UPB1: variants seen among roughly 807,000 people sequenced by gnomAD.
UPB1 encodes the protein beta-ureidopropionase 1, also known as beta-ureidopropionase.
Under a neutral mutation model 49.1 loss-of-function variants are expected in UPB1, and 40 were observed. That is an observed-to-expected ratio of 0.81 (90% CI 0.63 to 1.06). The LOEUF (loss-of-function observed/expected upper bound fraction) is 1.06, where lower values mean the gene tolerates loss of function less well. Ranked by LOEUF, UPB1 falls within the 50% of genes least tolerant of loss-of-function variation. UPB1 has a pLI of 0.00. For missense variants in UPB1, 499 were observed against 505.9 expected (o/e 0.99, Z 0.13); for synonymous variants, 207 against 198.2 (o/e 1.04, Z -0.38).
At chr22:24,496,398 C>T (rs1055949047) in intron 1 of UPB1, among the ~76,000 whole-genome samples, 110 of 130,576 alleles carry the variant, frequency 8.4e-4, no homozygotes, top group Admixed American at 2.2e-3. Context: ...CACACACACA[C>T]ACACATACAC....
At chr22:24,525,554 A>G (rs1024705635) in intron 9 of UPB1, among the ~76,000 whole-genome samples, 157 bp from the exon 10 acceptor site, 1 of 152,230 alleles carries the variant, frequency 6.6e-6, no homozygotes, top group Non-Finnish European at 1.5e-5. Context: ...GAACTTTGCC[A>G]CAGTACTAGA....
At chr22:24,504,074 A>G (rs1372520045) in intron 3 of UPB1, among the ~76,000 whole-genome samples, 2 of 152,224 alleles carry the variant, frequency 1.3e-5, no homozygotes, top group African/African-American at 4.8e-5. Context: ...CGGGTTGGAC[A>G]GACAGGCATT....
At position 24,520,424 on chromosome 22, in the gene UPB1, A is replaced by G; in HGVS notation, c.829A>G (p.Ile277Val). 6.2e-7 allele frequency: 1 copy of G among 1,614,150 alleles called. No individual in the cohort carries two copies. The highest frequency in any genetic ancestry group is 1.1e-5 in the South Asian group (1 of 91,074). Reference protein sequence around the residue: ...LWPIEARNAAIANHCFTCAIN... With the variant: ...LWPIEARNAAVANHCFTCAIN... ...GCCCATCGAGGCCAGAAACGCAGCC[A>G]TTGCCAATCACTGCTTCACCTGCGC... The change falls in exon 7 of 10, where the codon ATT (isoleucine) becomes GTT (valine). Residue 277 changes from isoleucine (I) to valine (V), a missense_variant. Ile to Val is a conservative substitution (Grantham distance 29, BLOSUM62 3). Transcript: ENST00000326010.
chr22:24,510,773 G>A lies in UPB1; in HGVS notation c.389G>A (p.Arg130Lys), dbSNP rs760680686. 9.9e-6 allele frequency: 16 copies of A among 1,614,092 alleles called. No homozygotes were observed. In the Admixed American group the frequency reaches 1.5e-4, roughly 15 times the overall value. ...AWTMPFAFCT[R>K]EKLPWTEFAE... ...GCTATGCCCTTTGCCTTCTGTACGA[G>A]AGAGAAGCTTCCTTGGACAGAATTT... The change falls in exon 4 of 10, where the codon AGA becomes AAA. Residue 130 changes from arginine to lysine, a missense_variant. By Grantham distance (26) the Arg-to-Lys change is conservative (BLOSUM62 2). Coordinates refer to ENST00000326010, the MANE Select transcript of UPB1 (RefSeq NM_016327.3).
intron 3 of UPB1, among the ~76,000 whole-genome samples, chr22:24,508,806 A>T (rs2044139282): frequency 1.3e-5 from 2 of 152,000 alleles, no homozygotes; most frequent in African/African-American, 4.8e-5. Flanking sequence ...GCTTGAACCC[A>T]GGAGGTGGAG....
At chr22:24,510,407 C>T (rs1041657561) in intron 3 of UPB1, among the ~76,000 whole-genome samples, 3 of 151,702 alleles carry the variant, frequency 2.0e-5, no homozygotes, top group African/African-American at 4.9e-5. Flanking sequence ...ATATATATAC[C>T]ACATTTTACC....
rs774444574 is a variant in UPB1 at position 24,520,451 on chromosome 22, A to G, written c.856A>G (p.Ile286Val). 6.2e-7 allele frequency: 1 copy of G among 1,614,088 alleles called. No individual in the cohort carries two copies. The highest frequency in any genetic ancestry group is 8.5e-7 in the Non-Finnish European group (1 of 1,180,006). The change falls in exon 7 of 10, where the codon ATC becomes GTC. Residue 286 changes from isoleucine to valine, a missense_variant. By Grantham distance (29) the Ile-to-Val change is conservative (BLOSUM62 3). Coordinates refer to ENST00000326010, the MANE Select transcript of UPB1 (RefSeq NM_016327.3). ...AIANHCFTCA[I>V]NRVGTEHFPN... is the part of the protein sequence containing the mutation. ...TGCCAATCACTGCTTCACCTGCGCC[A>G]TCAATCGAGTGGGCACCGTAAGTCC...
At chr22:24,522,121 G>C in intron 8 of UPB1, 93 bp downstream of exon 8, 1 of 1,447,256 alleles carries the variant, frequency 6.9e-7, no homozygotes. Context: ...CTGCCACACA[G>C]ATCACATCTG....
At chr22:24,520,215 G>A in intron 6 of UPB1, 172 bp from the exon 7 acceptor site, 1 of 726,824 alleles carries the variant, frequency 1.4e-6, no homozygotes, top group Non-Finnish European at 2.4e-6. Flanking sequence ...GGTGTGACCG[G>A]TGAGTCTCCT....
chr22:24,513,580 A>G (rs1234692204), intron 5 of UPB1, 95 bp downstream of exon 5: 2 of 1,506,652 alleles, frequency 1.3e-6, no homozygotes, highest in East Asian at 2.5e-5. Flanking sequence ...AGTTCTGTGC[A>G]GGATCATACT....
intron 1 of UPB1, among the ~76,000 whole-genome samples, chr22:24,497,157 A>T (rs1015413770): frequency 6.6e-6 from 1 of 152,202 alleles, no homozygotes; most frequent in Non-Finnish European, 1.5e-5. Context: ...AGCTATGTGT[A>T]TTAAGTGAAA....
At chr22:24,509,874 C>G (rs909743239) in intron 3 of UPB1, among the ~76,000 whole-genome samples, 1 of 152,178 alleles carries the variant, frequency 6.6e-6, no homozygotes, top group Non-Finnish European at 1.5e-5. Flanking sequence ...ACCCATTAAA[C>G]AGTAACTTCC....
At chr22:24,497,041 C>T (rs2043903932) in intron 1 of UPB1, among the ~76,000 whole-genome samples, 1 of 152,158 alleles carries the variant, frequency 6.6e-6, no homozygotes, top group Non-Finnish European at 1.5e-5. Context: ...TTCTTCCTCA[C>T]CTTCTCTCCC....
At position 24,527,549 on chromosome 22, in the gene UPB1, G is replaced by C. The variant is rs951933558; in HGVS notation, c.*1755G>C. 6.6e-6 allele frequency: 1 copy of C among 151,898 alleles called. No individual in the cohort carries two copies. The highest frequency in any genetic ancestry group is 1.5e-5 in the Non-Finnish European group (1 of 68,024). The allele number at this position is 151,898 out of a possible 1,614,324, so 9.4% of individuals were successfully genotyped here. ...TTAACCAGAGTATCGGGTTGGAGGT[G>C]GGGTTGAGATTCTGTAATTCCCCGC... On this transcript the variant is annotated 3_prime_UTR_variant, in exon 10 of 10. Coordinates refer to ENST00000326010, the MANE Select transcript of UPB1 (RefSeq NM_016327.3).
rs200508190 is a variant in UPB1 at position 24,515,350 on chromosome 22, G to A, written c.771G>A (p.Ser257=). 40 of 1,614,080 alleles carry A rather than the reference G, an allele frequency of 2.5e-5. No individual in the cohort carries two copies. In the South Asian group the frequency reaches 2.6e-4, roughly 11 times the overall value. Residue 257 remains serine (S), a synonymous_variant, in exon 6 of 10, where the codon TCG becomes TCA. Coordinates refer to ENST00000326010, the MANE Select transcript of UPB1 (RefSeq NM_016327.3). ...GGGCTGAGATCATCTTCAACCCCTCGGCCACGATAGGAGCACTCAGGTCAC... is the reference window on the plus strand; with the variant it reads ...GGGCTGAGATCATCTTCAACCCCTCAGCCACGATAGGAGCACTCAGGTCAC... ...INGAEIIFNP[S]ATIGALSESL... is the part of the protein sequence containing the mutation.
At chr22:24,503,922 G>A (rs555335413) in intron 3 of UPB1, among the ~76,000 whole-genome samples, 1 of 152,350 alleles carries the variant, frequency 6.6e-6, no homozygotes, top group South Asian at 2.1e-4. Flanking sequence ...CCCAGGCTGG[G>A]TTTTCCTTGG....
rs1555883941 is a variant in UPB1 at position 24,496,398 on chromosome 22, CACACAT to C, written c.104+897_104+902del. Among the ~76,000 whole-genome samples the C allele has an allele frequency of 2.8e-3, 368 of 130,578 alleles. 3 individuals carry two copies. The highest frequency in any genetic ancestry group is 0.011 in the Admixed American group (149 of 13,952). 85.7% of individuals were successfully genotyped at this position (130,578 alleles called of 152,430 possible). ...ACACACACACACACACACACACACA[CACACAT>C]ACACACACACACACACACACACGTC... On this transcript the variant is annotated intron_variant, in intron 1 of 9. Coordinates refer to ENST00000326010, the MANE Select transcript of UPB1 (RefSeq NM_016327.3).
chr22:24,496,363 C>T (rs1192870688), intron 1 of UPB1, among the ~76,000 whole-genome samples: 9 of 142,458 alleles, frequency 6.3e-5, no homozygotes, highest in Non-Finnish European at 8.9e-5. Context: ...AGAGTGAGGC[C>T]CTGTCTCAAA....
intron 3 of UPB1, among the ~76,000 whole-genome samples, chr22:24,504,723 C>CTTTTTTTTTTTTT (rs35606558): frequency 1.1e-5 from 1 of 91,756 alleles, no homozygotes; most frequent in African/African-American, 4.2e-5. Context: ...GTATTTCCTC[C>CTTTTTTTTTTTTT]TTTTTTTTTT....
Sources: allele counts gnomAD v4.1 joint callset (sites outside exome capture counted in the v4.1 genomes callset), GRCh38; gene constraint gnomAD v4.1.1; transcripts MANE v1.5; gene names NCBI Gene and HGNC (gene_info 2026-07-23, HGNC 2026-07-21).